The following FRMD4A variants were observed in gnomAD, a reference collection of about 807,000 sequenced individuals.
FRMD4A encodes FERM domain-containing protein 4A.
Under a neutral mutation model 129.1 loss-of-function variants are expected in FRMD4A, and 29 were observed. That is an observed-to-expected ratio of 0.22 (90% CI 0.17 to 0.31). FRMD4A has a LOEUF of 0.31. Among genes scored for constraint, FRMD4A ranks in the 10% least tolerant of loss-of-function variants. The pLI, the probability that FRMD4A is intolerant of heterozygous loss-of-function variation, is 1.00. For missense variants in FRMD4A, 1,272 were observed against 1,375.8 expected, an observed-to-expected ratio of 0.92 and a Z score of 1.19; for synonymous variants, 634 against 571.6, an observed-to-expected ratio of 1.11 and a Z score of -1.56.
chr10:13,699,326 C>A (rs2086581620), intron 14 of FRMD4A, among the ~76,000 whole-genome samples: 1 of 150,130 alleles, frequency 6.7e-6, no homozygotes, highest in Non-Finnish European at 1.5e-5. Flanking sequence ...ATCTGCTCTC[C>A]TCGGCTTCCC....
At chr10:14,323,586 TG>T (rs200263892) in intron 2 of FRMD4A, among the ~76,000 whole-genome samples, 1 of 286 alleles carries the variant, frequency 3.5e-3, no homozygotes, top group African/African-American at 0.012. Context: ...CTATCCTTTT[TG>T]CCCTTCCTAG....
chr10:13,755,378 G>A (rs75297738), intron 8 of FRMD4A, among the ~76,000 whole-genome samples: 2,032 of 152,250 alleles, frequency 0.013, 83 homozygotes, highest in South Asian at 0.12. Flanking sequence ...GAAAGAAAGA[G>A]AAAACCAAGA....
At position 13,944,505 on chromosome 10, in the gene FRMD4A, A is replaced by T. The variant is rs555481289; in HGVS notation, c.46-85593T>A. On this transcript the variant is annotated intron_variant, in intron 2 of 24. Transcript: ENST00000357447. ...ATGTAATAATAATAGAAATAAATGT[A>T]ATGTGCTTAAATCATCCTGAAACCA... Among the ~76,000 whole-genome samples, 11 of 152,210 alleles carry T rather than the reference A, an allele frequency of 7.2e-5. No homozygotes were observed. In the South Asian group the frequency reaches 2.3e-3, roughly 32 times the overall value.
intron 2 of FRMD4A, among the ~76,000 whole-genome samples, chr10:14,251,852 G>A (rs931924796): frequency 6.6e-6 from 1 of 151,972 alleles, no homozygotes; most frequent in African/African-American, 2.4e-5. Flanking sequence ...TAGGTTTATG[G>A]GAGGAAGATC....
At chr10:13,923,694 T>C (rs1323107812) in intron 2 of FRMD4A, among the ~76,000 whole-genome samples, 1 of 152,206 alleles carries the variant, frequency 6.6e-6, no homozygotes, top group African/African-American at 2.4e-5. Flanking sequence ...ACCTGGACTA[T>C]TGTAAAGGTA....
chr10:13,714,674 C>G lies in FRMD4A; in HGVS notation c.760-7561G>C, dbSNP rs2088599593. Among the ~76,000 whole-genome samples, 7 of 152,228 alleles carry G rather than the reference C, an allele frequency of 4.6e-5. No homozygotes were observed. In the South Asian group the frequency reaches 1.5e-3, roughly 32 times the overall value. On this transcript the variant is annotated intron_variant, in intron 12 of 24. Transcript: ENST00000357447. ...AGTAGCTGTATTCATGCTACAGGAA[C>G]CCATGATTCCTATAGCCAGAGATGG...
At chr10:13,684,501 G>T in intron 15 of FRMD4A, 1 of 985,310 alleles carries the variant, frequency 1.0e-6, no homozygotes, top group Non-Finnish European at 1.2e-6. Flanking sequence ...CGGATGTGGA[G>T]GCAACGCCAG....
intron 15 of FRMD4A, among the ~76,000 whole-genome samples, chr10:13,679,882 C>CT (rs2084383688): frequency 1.3e-5 from 2 of 152,202 alleles, no homozygotes; most frequent in East Asian, 3.9e-4. Flanking sequence ...GACACACCAG[C>CT]AACATTCCAC....
intron 2 of FRMD4A, among the ~76,000 whole-genome samples, chr10:14,100,499 T>C (rs866968923): frequency 6.6e-6 from 1 of 152,156 alleles, no homozygotes; most frequent in South Asian, 2.1e-4. Flanking sequence ...TTTTCCACCC[T>C]ATTTCCCCCC....
At chr10:14,252,727 C>T (rs899347484) in intron 2 of FRMD4A, among the ~76,000 whole-genome samples, 2 of 152,224 alleles carry the variant, frequency 1.3e-5, no homozygotes, top group Admixed American at 1.3e-4. Flanking sequence ...AGTTTTTATC[C>T]TTTCTAACAA....
intron 2 of FRMD4A, among the ~76,000 whole-genome samples, chr10:14,030,902 CCGCAGT>C (rs1833208734): frequency 1.3e-5 from 2 of 152,342 alleles, no homozygotes; most frequent in Admixed American, 1.3e-4. Flanking sequence ...TCCAGCCCCA[CCGCAGT>C]CCCTGGCTCA....
In FRMD4A at chr10:13,843,342, T is replaced by G. The variant is rs191660481; in HGVS notation, c.111+15505A>C. 2.5e-4 allele frequency among the ~76,000 whole-genome samples: 38 copies of G among 152,310 alleles called. 1 individual carries two copies. The highest frequency in any genetic ancestry group is 8.2e-4 in the African/African-American group (34 of 41,564). ...GCTGATTTCAATCAGTCACCTTGAT[T>G]CTGCTCCCTGTGTGAGTGTGAGTGA... is the stretch of plus-strand genomic sequence containing the variant. On this transcript the variant is annotated intron_variant, in intron 3 of 24. Coordinates refer to ENST00000357447, the MANE Select transcript of FRMD4A (RefSeq NM_018027.5).
chr10:13,855,985 A>G (rs1290482494), intron 3 of FRMD4A, among the ~76,000 whole-genome samples: 1 of 150,778 alleles, frequency 6.6e-6, no homozygotes, highest in African/African-American at 2.5e-5. Flanking sequence ...ATAAATATAT[A>G]TATGTATTTA....
At chr10:14,325,121 A>G (rs1332472335) in intron 2 of FRMD4A, among the ~76,000 whole-genome samples, 1 of 152,188 alleles carries the variant, frequency 6.6e-6, no homozygotes, top group Non-Finnish European at 1.5e-5. Context: ...ACTTTGAAAA[A>G]CATAGAGATT....
At chr10:13,751,501 T>C (rs2091622476) in intron 8 of FRMD4A, among the ~76,000 whole-genome samples, 2 of 152,208 alleles carry the variant, frequency 1.3e-5, no homozygotes, top group South Asian at 4.1e-4. Context: ...CCAAACTCTG[T>C]GGCTGAAAAT....
intron 14 of FRMD4A, 102 bp from the exon 15 acceptor site, chr10:13,694,141 G>C: frequency 1.1e-6 from 1 of 885,034 alleles, no homozygotes; most frequent in South Asian, 2.0e-5. Flanking sequence ...ATTCCGCAAA[G>C]GGACTTATCT....
In FRMD4A at chr10:14,184,298, A is replaced by ATTTTTTTTTTTTTTTTTT. The variant is rs60196881; in HGVS notation, c.45+145759_45+145760insAAAAAAAAAAAAAAAAAA. ...AGGTGCATACCACCACAACCGGTTA[A>ATTTTTTTTTTTTTTTTTT]TTTTTTTTTTTTTTTTAGTAGAGAT... On this transcript the variant is annotated intron_variant, in intron 2 of 24. Coordinates refer to ENST00000357447, the MANE Select transcript of FRMD4A (RefSeq NM_018027.5). Among the ~76,000 whole-genome samples the ATTTTTTTTTTTTTTTTTT allele has an allele frequency of 5.9e-3, 615 of 104,768 alleles. 41 individuals carry two copies. Among genetic ancestry groups the ATTTTTTTTTTTTTTTTTT allele is most frequent in the Middle Eastern group, 0.01 (2 of 194 alleles). 68.7% of individuals were successfully genotyped at this position (104,768 alleles called of 152,430 possible). A position where few individuals can be genotyped will look rare whatever the true frequency, so the allele number is the denominator to read the frequency against.
At chr10:13,779,788 C>CAA (rs33912813) in intron 6 of FRMD4A, among the ~76,000 whole-genome samples, 3,962 of 146,846 alleles carry the variant, frequency 0.027, 98 homozygotes, top group African/African-American at 0.05. Flanking sequence ...AATTCACTCT[C>CAA]AAAAAAAAAA....
chr10:14,241,048 A>G (rs978585348), intron 2 of FRMD4A, among the ~76,000 whole-genome samples: 3 of 152,220 alleles, frequency 2.0e-5, no homozygotes, highest in African/African-American at 7.2e-5. Flanking sequence ...TTTGCAAATG[A>G]AGAAGCAGTT....
Sources: allele counts gnomAD v4.1 joint callset (sites outside exome capture counted in the v4.1 genomes callset), GRCh38; gene constraint gnomAD v4.1.1; transcripts MANE v1.5; gene names NCBI Gene and HGNC (gene_info 2026-07-23, HGNC 2026-07-21).